TMEM64: variants seen among roughly 807,000 people sequenced by gnomAD.
TMEM64 encodes the protein transmembrane protein 64.
A neutral mutation model predicts 24.5 loss-of-function variants in TMEM64; 19 were observed. The ratio of observed to expected loss-of-function variants is 0.78; its 90% CI spans 0.54 to 1.14. The LOEUF (loss-of-function observed/expected upper bound fraction) is 1.14, where lower values mean the gene tolerates loss of function less well. TMEM64 is among the 50% of genes most tolerant of loss of function. The pLI is 0.00. For synonymous variants in TMEM64, 262 were observed against 224.7 expected (o/e 1.17, Z -1.49); for missense variants, 487 against 493.0 (o/e 0.99, Z 0.12).
chr8:90,622,182 C>G lies in TMEM64; in HGVS notation c.*3489G>C, dbSNP rs1416139663. ...AGAATTTAGTTGTGGAATAAGTTAA[C>G]AGTTTATGTTCAATATGTGAGGTTA... On this transcript the variant is annotated 3_prime_UTR_variant, in exon 3 of 3. Coordinates refer to ENST00000458549, the MANE Select transcript of TMEM64 (RefSeq NM_001008495.4). 1 of 152,098 alleles carries G rather than the reference C, an allele frequency of 6.6e-6. No individual in the cohort carries two copies. The highest frequency in any genetic ancestry group is 1.5e-5 in the Non-Finnish European group (1 of 68,016). The allele number at this position is 152,098 out of a possible 1,614,324, so 9.4% of individuals were successfully genotyped here.
At chr8:90,639,834 T>A (rs569185056) in intron 1 of TMEM64, among the ~76,000 whole-genome samples, 10 of 152,322 alleles carry the variant, frequency 6.6e-5, no homozygotes, top group African/African-American at 2.4e-4. Flanking sequence ...AAACAAACAT[T>A]GTTAAAACAT....
chr8:90,634,561 A>C (rs1183947515), intron 1 of TMEM64, among the ~76,000 whole-genome samples: 1 of 152,206 alleles, frequency 6.6e-6, no homozygotes, highest in African/African-American at 2.4e-5. Flanking sequence ...AAATCTGCAA[A>C]TTAATCTGGA....
At chr8:90,633,573 G>C (rs139706878) in intron 1 of TMEM64, among the ~76,000 whole-genome samples, 33 of 152,310 alleles carry the variant, frequency 2.2e-4, no homozygotes, top group African/African-American at 7.2e-4. Flanking sequence ...ACTAGAAGTA[G>C]AATTATTGGT....
intron 1 of TMEM64, among the ~76,000 whole-genome samples, chr8:90,639,911 C>G (rs10103195): frequency 0.17 from 26,048 of 152,006 alleles, 4,725 homozygotes; most frequent in African/African-American, 0.46. Context: ...AAAACATACT[C>G]TATATACATT....
In TMEM64 at chr8:90,645,042, TC is replaced by T; in HGVS notation, c.795+68del. ...CTGGTATTTATCTGATAGAGCGCCC[TC>T]CTAGGGCCGCCACAAGACCGCTCAA... On this transcript the variant is annotated intron_variant, in intron 1 of 2. Transcript: ENST00000458549. The surrounding 1 kb of genome is among the most constrained non-coding windows in gnomAD (Gnocchi z 4.2). The T allele has an allele frequency of 6.6e-7, 1 of 1,507,336 alleles. No individual in the cohort carries two copies. The highest frequency in any genetic ancestry group is 1.3e-5 in the South Asian group (1 of 78,952). The allele number at this position is 1,507,336 out of a possible 1,614,324, so 93.4% of individuals were successfully genotyped here.
intron 1 of TMEM64, among the ~76,000 whole-genome samples, chr8:90,635,795 A>T (rs1351903700): frequency 6.6e-6 from 1 of 152,240 alleles, no homozygotes; most frequent in African/African-American, 2.4e-5. Flanking sequence ...ATAACAAAAC[A>T]TTACATATTA....
At chr8:90,629,957 G>C (rs977964474) in intron 2 of TMEM64, among the ~76,000 whole-genome samples, 1 of 152,036 alleles carries the variant, frequency 6.6e-6, no homozygotes, top group South Asian at 2.1e-4. Flanking sequence ...ATAAGATAGG[G>C]CCTCAAAAAC....
intron 1 of TMEM64, among the ~76,000 whole-genome samples, chr8:90,643,760 G>A (rs920277814): frequency 6.6e-6 from 1 of 152,168 alleles, no homozygotes; most frequent in African/African-American, 2.4e-5. Context: ...CTATAGGAGG[G>A]TATGAAAAAG....
Position 90,638,638 on chromosome 8 carries a change from A to G in TMEM64, c.795+6473T>C, listed in dbSNP as rs201746465. Among the ~76,000 whole-genome samples the G allele has an allele frequency of 5.3e-5, 8 of 152,218 alleles. No individual in the cohort carries two copies. The East Asian group carries it at 1.2e-3, about 22-fold the overall frequency. On this transcript the variant is annotated intron_variant, in intron 1 of 2. Transcript: ENST00000458549. ...CTAGATCTTAACAAATGCCTACTAT[A>G]TATTAGTTGCTAAATATATGTTTAT...
intron 1 of TMEM64, among the ~76,000 whole-genome samples, chr8:90,634,062 T>G (rs1809480324): frequency 2.0e-5 from 3 of 152,146 alleles, no homozygotes; most frequent in Admixed American, 2.0e-4. Flanking sequence ...GTTTTAAGAG[T>G]ATATTGTTGG....
At chr8:90,625,958 G>T in intron 2 of TMEM64, 96 bp from the exon 3 acceptor site, 1 of 875,478 alleles carries the variant, frequency 1.1e-6, no homozygotes, top group Non-Finnish European at 1.7e-6. Context: ...CTTCAAACAG[G>T]GTGCTTCTCA....
intron 1 of TMEM64, among the ~76,000 whole-genome samples, chr8:90,638,928 C>A (rs528668500): frequency 6.6e-6 from 1 of 152,016 alleles, no homozygotes; most frequent in Non-Finnish European, 1.5e-5. Flanking sequence ...CTTTTATTCA[C>A]GGCTACACCT....
chr8:90,642,674 T>C (rs978374941), intron 1 of TMEM64, among the ~76,000 whole-genome samples: 3 of 152,216 alleles, frequency 2.0e-5, no homozygotes, highest in Admixed American at 2.0e-4. Flanking sequence ...GGACTACTTC[T>C]GTAAGCAGGC....
rs1285488743 is a variant in TMEM64 at position 90,622,297 on chromosome 8, A to C, written c.*3374T>G. 6.6e-6 allele frequency: 1 copy of C among 152,212 alleles called. No homozygotes were observed. The highest frequency in any genetic ancestry group is 6.5e-5 in the Admixed American group (1 of 15,272). The allele number at this position is 152,212 out of a possible 1,614,324, so 9.4% of individuals were successfully genotyped here. A position where few individuals can be genotyped will look rare whatever the true frequency, so the allele number is the denominator to read the frequency against. On this transcript the variant is annotated 3_prime_UTR_variant, in exon 3 of 3. Transcript: ENST00000458549. ...AGATTAAAGCAATGACTTTAAAAAG[A>C]TTACATCCTAAATACTTGATTACAA...
At chr8:90,641,245 G>A (rs1809600539) in intron 1 of TMEM64, among the ~76,000 whole-genome samples, 1 of 152,226 alleles carries the variant, frequency 6.6e-6, no homozygotes, top group East Asian at 1.9e-4. Flanking sequence ...TGCTGTTTTG[G>A]CTTAAAAGGA....
intron 1 of TMEM64, among the ~76,000 whole-genome samples, chr8:90,632,701 C>T (rs915555271): frequency 7.2e-5 from 11 of 152,116 alleles, no homozygotes; most frequent in South Asian, 2.1e-4. Context: ...TCAGGCAATC[C>T]GCCCACCTCA....
intron 1 of TMEM64, among the ~76,000 whole-genome samples, chr8:90,643,902 G>A (rs946409305): frequency 6.6e-6 from 1 of 152,172 alleles, no homozygotes; most frequent in Non-Finnish European, 1.5e-5. Context: ...TTGGAATCAA[G>A]AGGTTTGCAA....
At chr8:90,631,796 G>C (rs574702493) in intron 1 of TMEM64, 89 bp from the exon 2 acceptor site, 6 of 1,118,640 alleles carry the variant, frequency 5.4e-6, no homozygotes, top group African/African-American at 3.1e-5. Context: ...CTAACTAGTG[G>C]TATTTCCTCG....
chr8:90,639,716 T>C (rs1809574181), intron 1 of TMEM64, among the ~76,000 whole-genome samples: 1 of 152,166 alleles, frequency 6.6e-6, no homozygotes, highest in Admixed American at 6.5e-5. Context: ...TTAAAATACA[T>C]ATCAATAAAA....
Sources: gnomAD v4.1 joint callset for allele counts (sites outside exome capture counted in the v4.1 genomes callset) on GRCh38, gnomAD v4.1.1 for gene constraint, Gnocchi (gnomAD v3.1) non-coding constraint, MANE v1.5 for transcripts, NCBI Gene and HGNC (gene_info 2026-07-23, HGNC 2026-07-21) for gene names.